The following JMJD1C variants were observed in gnomAD, a reference collection of about 807,000 sequenced individuals.
JMJD1C encodes the protein jumonji domain containing 1C.
JMJD1C carries 31 observed loss-of-function variants against 245.3 expected under a neutral mutation model. That is an observed-to-expected ratio of 0.13 (90% CI 0.09 to 0.17). The LOEUF is 0.17. JMJD1C is among the 10% of genes least tolerant of loss of function. The probability of loss-of-function intolerance (pLI) is 1.00; values close to 1 mark genes in which losing one functional copy is unlikely to be tolerated. For missense variants in JMJD1C, 2,691 were observed against 3,000.2 expected (o/e 0.90, Z 2.41); for synonymous variants, 1,057 against 1,017.4 (o/e 1.04, Z -0.74).
At chr10:63,311,658 A>G (rs1939215621) in intron 2 of JMJD1C, among the ~76,000 whole-genome samples, 1 of 152,224 alleles carries the variant, frequency 6.6e-6, no homozygotes, top group Non-Finnish European at 1.5e-5. Context: ...TTTATACAGT[A>G]TGTCAGGTTC....
intron 2 of JMJD1C, among the ~76,000 whole-genome samples, chr10:63,378,332 C>A (rs2134482722): frequency 6.6e-6 from 1 of 152,198 alleles, no homozygotes; most frequent in Non-Finnish European, 1.5e-5. Flanking sequence ...TGGCTCAGAC[C>A]TGTAATCCCA....
intron 2 of JMJD1C, among the ~76,000 whole-genome samples, chr10:63,357,785 T>C (rs1361967472): frequency 6.7e-6 from 1 of 150,022 alleles, no homozygotes; most frequent in African/African-American, 2.5e-5. Context: ...CCAACACAGA[T>C]AGGATGCTGT....
intron 2 of JMJD1C, among the ~76,000 whole-genome samples, chr10:63,343,616 T>C (rs1160678337): frequency 6.6e-6 from 1 of 152,184 alleles, no homozygotes; most frequent in Non-Finnish European, 1.5e-5. Flanking sequence ...TGCTGAATAA[T>C]GACATTTCAG....
At chr10:63,418,950 G>A (rs1041867030) in intron 1 of JMJD1C, among the ~76,000 whole-genome samples, 10 of 151,672 alleles carry the variant, frequency 6.6e-5, no homozygotes, top group African/African-American at 2.4e-4. Context: ...GGTGGCACGC[G>A]CCTGTAGCCC....
intron 2 of JMJD1C, among the ~76,000 whole-genome samples, chr10:63,304,197 T>C (rs915462946): frequency 6.6e-6 from 1 of 152,230 alleles, no homozygotes; most frequent in African/African-American, 2.4e-5. Context: ...AGACTCAAAC[T>C]TCAAACTTTT....
chr10:63,322,151 TTC>T (rs1433079826), intron 2 of JMJD1C, among the ~76,000 whole-genome samples: 1 of 152,348 alleles, frequency 6.6e-6, no homozygotes, highest in South Asian at 2.1e-4. Context: ...TACATGTTTA[TTC>T]TCTCTCATGT....
chr10:63,253,227 C>T (rs1853353340), intron 3 of JMJD1C, among the ~76,000 whole-genome samples: 1 of 151,986 alleles, frequency 6.6e-6, no homozygotes. Flanking sequence ...GACCAAGGGA[C>T]CAGAATAGAG....
Position 63,177,733 on chromosome 10 carries a change from C to T in JMJD1C, c.7208G>A (p.Arg2403Lys), listed in dbSNP as rs979127095. 1.4e-5 allele frequency: 22 copies of T among 1,614,012 alleles called. No homozygotes were observed. The highest frequency in any genetic ancestry group is 1.9e-5 in the Non-Finnish European group (22 of 1,179,976). ...IYAGKDVDKI[R>K]EFLQKISKEQ... is the part of the protein sequence containing the mutation. ...AACTTATACCTTTTGAAGAAATTCC[C>T]TTATCTTGTCAACATCTTTCCCAGC... Residue 2403 changes from arginine (R) to lysine (K), a missense_variant, in exon 23 of 26, where the codon AGG becomes AAG. Arg to Lys is a conservative substitution (Grantham distance 26). Transcript: ENST00000399262.
At chr10:63,372,528 TACC>T (rs901546797) in intron 2 of JMJD1C, among the ~76,000 whole-genome samples, 3 of 152,252 alleles carry the variant, frequency 2.0e-5, no homozygotes, top group African/African-American at 7.2e-5. Context: ...CTCACAGTTT[TACC>T]ACAATTGGGT....
chr10:63,394,815 G>T (rs1314167330), intron 1 of JMJD1C, among the ~76,000 whole-genome samples: 1 of 147,642 alleles, frequency 6.8e-6, no homozygotes, highest in Non-Finnish European at 1.5e-5. Flanking sequence ...TTGCACTCTA[G>T]CCTGGGCAAC....
intron 2 of JMJD1C, among the ~76,000 whole-genome samples, chr10:63,267,801 G>A (rs1271068867): frequency 2.6e-5 from 4 of 151,762 alleles, no homozygotes; most frequent in African/African-American, 9.7e-5. Flanking sequence ...ATAGTCTACG[G>A]CCAAAATAAA....
At chr10:63,395,238 G>T (rs972965333) in intron 1 of JMJD1C, among the ~76,000 whole-genome samples, 6 of 152,070 alleles carry the variant, frequency 3.9e-5, no homozygotes, top group African/African-American at 1.2e-4. Context: ...CAGCACTTTG[G>T]GAGGCCAAGG....
At chr10:63,179,350 G>A (rs1478313499) in intron 22 of JMJD1C, among the ~76,000 whole-genome samples, 7 of 151,510 alleles carry the variant, frequency 4.6e-5, no homozygotes, top group South Asian at 2.1e-4. Flanking sequence ...TGGAGGTTAC[G>A]GTGAGCCAAG....
intron 14 of JMJD1C, chr10:63,193,675 G>GTT (rs907604903): frequency 1.6e-5 from 6 of 381,174 alleles, no homozygotes; most frequent in South Asian, 8.6e-5. Flanking sequence ...TTGTTTTTTT[G>GTT]TTTTTTTTTG....
chr10:63,448,339 T>C (rs1356897509), intron 1 of JMJD1C, among the ~76,000 whole-genome samples: 2 of 152,192 alleles, frequency 1.3e-5, no homozygotes, highest in African/African-American at 4.8e-5. Flanking sequence ...GTATTTTTAA[T>C]AGAGGCGAGG....
upstream of JMJD1C, among the ~76,000 whole-genome samples, chr10:63,469,229 G>T (rs950061413): frequency 2.0e-5 from 3 of 152,112 alleles, no homozygotes; most frequent in African/African-American, 7.2e-5. Context: ...CAGACAAAAA[G>T]TTTAACACAT....
chr10:63,192,884 G>T, intron 16 of JMJD1C, 54 bp downstream of exon 16: 3 of 1,255,658 alleles, frequency 2.4e-6, no homozygotes, highest in Non-Finnish European at 1.2e-6. Flanking sequence ...GTACATTGTT[G>T]GTTAGTTATA....
intron 1 of JMJD1C, among the ~76,000 whole-genome samples, chr10:63,501,114 C>T (rs1428858003): frequency 6.6e-6 from 1 of 152,130 alleles, no homozygotes; most frequent in Non-Finnish European, 1.5e-5. Flanking sequence ...AGCTTGAACC[C>T]AGGCCTCTGG....
At chr10:63,236,419 A>C (rs1037031706) in intron 3 of JMJD1C, among the ~76,000 whole-genome samples, 1 of 152,234 alleles carries the variant, frequency 6.6e-6, no homozygotes, top group Non-Finnish European at 1.5e-5. Flanking sequence ...TTTTCTTCTA[A>C]AGCCACATGT....
Sources: gnomAD v4.1 joint callset for allele counts (sites outside exome capture counted in the v4.1 genomes callset) on GRCh38, gnomAD v4.1.1 for gene constraint, MANE v1.5 for transcripts, NCBI Gene and HGNC (gene_info 2026-07-23, HGNC 2026-07-21) for gene names.